Variants in ARL8B observed in about 807,000 individuals in gnomAD.
ARL8B encodes ARF like GTPase 8B, also known as ADP-ribosylation factor-like protein 8B.
ARL8B carries 9 observed loss-of-function variants against 30.6 expected under a neutral mutation model. The ratio of observed to expected loss-of-function variants is 0.29; its 90% CI spans 0.18 to 0.51. The LOEUF is 0.51. ARL8B is among the 20% of genes least tolerant of loss of function. The pLI is 0.97. For missense variants in ARL8B, 130 were observed against 227.2 expected, an observed-to-expected ratio of 0.57 and a Z score of 2.75; for synonymous variants, 74 against 76.0, an observed-to-expected ratio of 0.97 and a Z score of 0.14.
At chr3:5,129,777 G>C (rs931393675) in intron 1 of ARL8B, among the ~76,000 whole-genome samples, 1 of 152,060 alleles carries the variant, frequency 6.6e-6, no homozygotes, top group African/African-American at 2.4e-5. Flanking sequence ...CAGCATTTAG[G>C]GAGGCAGAGA....
At chr3:5,126,962 T>C (rs914576177) in intron 1 of ARL8B, among the ~76,000 whole-genome samples, 2 of 152,248 alleles carry the variant, frequency 1.3e-5, no homozygotes, top group African/African-American at 4.8e-5. Flanking sequence ...ATGGACATTA[T>C]GTATTTTTTA....
intron 1 of ARL8B, among the ~76,000 whole-genome samples, chr3:5,130,548 CG>C (rs888579844): frequency 6.8e-6 from 1 of 147,036 alleles, no homozygotes; most frequent in Non-Finnish European, 1.5e-5. Flanking sequence ...TTTTTTTTGG[CG>C]GGGGGATGGA....
intron 1 of ARL8B, among the ~76,000 whole-genome samples, chr3:5,140,756 C>G (rs1559278066): frequency 1.3e-5 from 2 of 152,082 alleles, no homozygotes; most frequent in African/African-American, 4.8e-5. Flanking sequence ...AATAATTGTT[C>G]CTGGGGCTCA....
At chr3:5,162,295 C>A (rs2054590664) in intron 1 of ARL8B, among the ~76,000 whole-genome samples, 1 of 152,208 alleles carries the variant, frequency 6.6e-6, no homozygotes, top group Non-Finnish European at 1.5e-5. Context: ...CACAGTCAGT[C>A]CATTTGGATT....
chr3:5,173,602 C>T (rs1455184639), intron 4 of ARL8B, among the ~76,000 whole-genome samples: 1 of 152,046 alleles, frequency 6.6e-6, no homozygotes, highest in Non-Finnish European at 1.5e-5. Context: ...TGGTGGTGGG[C>T]GCCTGTAGTC....
At position 5,174,047 on chromosome 3, in the gene ARL8B, C is replaced by T; in HGVS notation, c.403C>T (p.Pro135Ser). Reference sequence around the variant, plus strand: ...AGTGCTTGGAAACAAGAGAGATCTTCCTAATGCCTTGGATGAGAAACAGCT... The same window carrying T: ...AGTGCTTGGAAACAAGAGAGATCTTTCTAATGCCTTGGATGAGAAACAGCT... ...VLVLGNKRDL[P>S]NALDEKQLIE... Residue 135 changes from proline (P) to serine (S), a missense_variant, in exon 5 of 7, where the codon CCT becomes TCT. Transcript: ENST00000256496. 1 of 1,612,746 alleles carries T rather than the reference C, an allele frequency of 6.2e-7. No individual in the cohort carries two copies. The highest frequency in any genetic ancestry group is 8.5e-7 in the Non-Finnish European group (1 of 1,179,044).
At chr3:5,136,930 T>C (rs1297099935) in intron 1 of ARL8B, among the ~76,000 whole-genome samples, 1 of 152,214 alleles carries the variant, frequency 6.6e-6, no homozygotes, top group East Asian at 1.9e-4. Context: ...ATCAAAATTA[T>C]ATTTATCTGT....
chr3:5,170,802 A>G, intron 2 of ARL8B: 1 of 389,540 alleles, frequency 2.6e-6, no homozygotes, highest in South Asian at 2.8e-5. Flanking sequence ...CGCGATCTCC[A>G]CTCACTGCAA....
Position 5,127,442 on chromosome 3 carries a change from G to T in ARL8B, c.123+4854G>T, listed in dbSNP as rs80167789. 2.3e-3 allele frequency among the ~76,000 whole-genome samples: 353 copies of T among 152,280 alleles called. 6 individuals are homozygous for T. In the East Asian group the frequency reaches 0.036, roughly 16 times the overall value. On this transcript the variant is annotated intron_variant, in intron 1 of 6. Coordinates refer to ENST00000256496, the MANE Select transcript of ARL8B (RefSeq NM_018184.3). The stretch of plus-strand genomic sequence containing the variant: ...ATAGAATAAGAAATACAGACGTAAT[G>T]AGTACTGTGTGTCTCTCTAGAGAGA...
rs574886195 is a variant in ARL8B, at chr3:5,141,553, A to G, written c.123+18965A>G. On this transcript the variant is annotated intron_variant, in intron 1 of 6. Coordinates refer to ENST00000256496, the MANE Select transcript of ARL8B (RefSeq NM_018184.3). ...TGCTACAATTATGAGAGATGTAAGG[A>G]TTGAAGCCACCATGCCTTTCCATTT... 3.3e-5 allele frequency among the ~76,000 whole-genome samples: 5 copies of G among 152,340 alleles called. No individual in the cohort carries two copies. In the South Asian group the frequency reaches 8.3e-4, roughly 25 times the overall value.
intron 1 of ARL8B, among the ~76,000 whole-genome samples, chr3:5,136,118 TA>T (rs959778499): frequency 4.9e-5 from 7 of 141,788 alleles, no homozygotes; most frequent in African/African-American, 2.0e-4. Flanking sequence ...TTATTATGTA[TA>T]TTTTTGAGAT....
intron 5 of ARL8B, 26 bp from the exon 6 acceptor site, chr3:5,174,318 A>G: frequency 6.7e-7 from 1 of 1,502,062 alleles, no homozygotes; most frequent in Non-Finnish European, 9.3e-7. Flanking sequence ...CTAAGCACAG[A>G]CTTATCCTTT....
chr3:5,177,076 A>T lies in ARL8B; in HGVS notation c.512-1588A>T, dbSNP rs113649627. Among the ~76,000 whole-genome samples the T allele has an allele frequency of 8.1e-3, 1,236 of 152,234 alleles. 13 individuals are homozygous for T. Among genetic ancestry groups the T allele is most frequent in the African/African-American group, 0.029 (1,186 of 41,542 alleles). On this transcript the variant is annotated intron_variant, in intron 6 of 6. Transcript: ENST00000256496. ...CTATTTTGTAAATCCATTACTCCCTACATGTTTTCTGTTTTTCCATTGTTA... is the reference window on the plus strand; with the variant it reads ...CTATTTTGTAAATCCATTACTCCCTTCATGTTTTCTGTTTTTCCATTGTTA...
intron 1 of ARL8B, 51 bp downstream of exon 1, chr3:5,122,639 C>T: frequency 1.3e-6 from 2 of 1,556,936 alleles, no homozygotes; most frequent in Non-Finnish European, 1.7e-6. Context: ...AGGAGTCCGG[C>T]CCGGCGCTTC....
chr3:5,173,141 C>G (rs1223078294), intron 4 of ARL8B, among the ~76,000 whole-genome samples: 2 of 152,016 alleles, frequency 1.3e-5, no homozygotes, highest in African/African-American at 4.8e-5. Context: ...GAGATGTGAT[C>G]TAGTTTGAGG....
chr3:5,147,326 C>G (rs768150970), intron 1 of ARL8B, among the ~76,000 whole-genome samples: 5 of 152,168 alleles, frequency 3.3e-5, no homozygotes, highest in Non-Finnish European at 7.4e-5. Flanking sequence ...CAGCTTCATC[C>G]ATGTCCCTGC....
intron 6 of ARL8B, among the ~76,000 whole-genome samples, chr3:5,176,630 G>A (rs2054732499): frequency 6.6e-6 from 1 of 152,202 alleles, no homozygotes; most frequent in Admixed American, 6.5e-5. Flanking sequence ...CTTAGTAACA[G>A]CGGATAGACA....
chr3:5,126,269 C>T (rs2054229202), intron 1 of ARL8B, among the ~76,000 whole-genome samples: 1 of 151,984 alleles, frequency 6.6e-6, no homozygotes, highest in Non-Finnish European at 1.5e-5. Flanking sequence ...TAAGTTTAGC[C>T]TTTTAAAAAA....
chr3:5,152,125 G>A (rs111455758), intron 1 of ARL8B, among the ~76,000 whole-genome samples: 4 of 152,168 alleles, frequency 2.6e-5, no homozygotes, highest in Non-Finnish European at 4.4e-5. Context: ...GATCCAGTTG[G>A]TTGTTGTGGT....
Sources: allele counts gnomAD v4.1 joint callset (sites outside exome capture counted in the v4.1 genomes callset), GRCh38; gene constraint gnomAD v4.1.1; transcripts MANE v1.5; gene names NCBI Gene and HGNC (gene_info 2026-07-23, HGNC 2026-07-21).